Variants in SLC10A7 observed in about 807,000 individuals in gnomAD.
SLC10A7 encodes solute carrier family 10 member 7.
A neutral mutation model predicts 43.2 loss-of-function variants in SLC10A7; 29 were observed. The observed-to-expected ratio is 0.67, with a 90% confidence interval of 0.50 to 0.92. SLC10A7 has a LOEUF of 0.92. SLC10A7 is among the 40% of genes least tolerant of loss of function. SLC10A7 has a pLI of 0.00. For synonymous variants in SLC10A7, 152 were observed against 144.8 expected, an observed-to-expected ratio of 1.05 and a Z score of -0.35; for missense variants, 295 against 403.2, an observed-to-expected ratio of 0.73 and a Z score of 2.30.
intron 5 of SLC10A7, among the ~76,000 whole-genome samples, chr4:146,407,708 T>C (rs553003662): frequency 1.3e-5 from 2 of 152,330 alleles, no homozygotes; most frequent in Admixed American, 1.3e-4. Flanking sequence ...CACCCTCTTA[T>C]ATGTTAACAG....
intron 4 of SLC10A7, among the ~76,000 whole-genome samples, chr4:146,493,708 T>A (rs1735653234): frequency 6.6e-6 from 1 of 152,250 alleles, no homozygotes; most frequent in African/African-American, 2.4e-5. Flanking sequence ...CCATGCCCTT[T>A]AATTCCCAAA....
At chr4:146,401,849 T>G (rs2630306) in intron 5 of SLC10A7, among the ~76,000 whole-genome samples, 1 of 152,172 alleles carries the variant, frequency 6.6e-6, no homozygotes, top group African/African-American at 2.4e-5. Flanking sequence ...GAATCAGTAT[T>G]TTTTGTTCAG....
intron 6 of SLC10A7, among the ~76,000 whole-genome samples, chr4:146,323,318 T>A (rs966785332): frequency 6.6e-6 from 1 of 152,224 alleles, no homozygotes; most frequent in Non-Finnish European, 1.5e-5. Flanking sequence ...TTCTGAATGG[T>A]ACTGCCTAGG....
At chr4:146,449,258 T>C (rs1731365931) in intron 4 of SLC10A7, among the ~76,000 whole-genome samples, 1 of 152,134 alleles carries the variant, frequency 6.6e-6, no homozygotes, top group Non-Finnish European at 1.5e-5. Context: ...GGTGAGGGGC[T>C]GCCTAGAACA....
At chr4:146,508,581 C>T (rs1000521996) in intron 3 of SLC10A7, among the ~76,000 whole-genome samples, 4 of 152,154 alleles carry the variant, frequency 2.6e-5, no homozygotes, top group Non-Finnish European at 5.9e-5. Context: ...GTGGTTCATA[C>T]CTAAAACCCA....
chr4:146,434,341 C>T (rs925658330), intron 5 of SLC10A7, among the ~76,000 whole-genome samples: 11 of 152,066 alleles, frequency 7.2e-5, no homozygotes, highest in African/African-American at 2.7e-4. Flanking sequence ...ACATTGTCCC[C>T]ACAAAGTAAA....
At chr4:146,284,270 G>C (rs1729738722) in intron 9 of SLC10A7, among the ~76,000 whole-genome samples, 1 of 152,090 alleles carries the variant, frequency 6.6e-6, no homozygotes, top group African/African-American at 2.4e-5. Flanking sequence ...CATCTATACA[G>C]TTGCAGATAT....
intron 5 of SLC10A7, among the ~76,000 whole-genome samples, chr4:146,357,333 G>A (rs1735730474): frequency 6.6e-6 from 1 of 152,234 alleles, no homozygotes; most frequent in South Asian, 2.1e-4. Flanking sequence ...GAATGTGTGT[G>A]TATATATGTG....
At chr4:146,358,830 A>C (rs1481809779) in intron 5 of SLC10A7, among the ~76,000 whole-genome samples, 3 of 152,170 alleles carry the variant, frequency 2.0e-5, no homozygotes, top group Non-Finnish European at 4.4e-5. Context: ...AGTTGCTAAA[A>C]ACATTCCTGA....
chr4:146,518,696 GA>G (rs1220641421), intron 1 of SLC10A7, among the ~76,000 whole-genome samples: 1 of 152,018 alleles, frequency 6.6e-6, no homozygotes. Context: ...ATTCTTAAAA[GA>G]TGGAAATTTG....
At chr4:146,279,153 G>A (rs1372464787) in intron 10 of SLC10A7, among the ~76,000 whole-genome samples, 1 of 152,114 alleles carries the variant, frequency 6.6e-6, no homozygotes, top group Non-Finnish European at 1.5e-5. Context: ...GCCATTGACT[G>A]CTAATAGTCA....
At chr4:146,315,384 A>C (rs1732255365) in intron 6 of SLC10A7, among the ~76,000 whole-genome samples, 1 of 152,164 alleles carries the variant, frequency 6.6e-6, no homozygotes, top group African/African-American at 2.4e-5. Flanking sequence ...ATTAGTGATA[A>C]ACCACATCAA....
rs544234837 is a variant in SLC10A7, at chr4:146,288,347, C to T, written c.773+4582G>A. On this transcript the variant is annotated intron_variant, in intron 9 of 11. Transcript: ENST00000335472. The stretch of plus-strand genomic sequence containing the variant: ...GCATTATTGAGCATTTTTCTAAGCA[C>T]GTTGCAGCCAGTATTACTTCCTTCT... Among the ~76,000 whole-genome samples the T allele has an allele frequency of 2.6e-5, 4 of 152,248 alleles. No homozygotes were observed. In the South Asian group the frequency reaches 6.2e-4, roughly 24 times the overall value.
chr4:146,376,446 C>A (rs1737206071), intron 5 of SLC10A7, among the ~76,000 whole-genome samples: 1 of 152,054 alleles, frequency 6.6e-6, no homozygotes. Context: ...CCACCACACC[C>A]CCCATCCTAT....
At chr4:146,326,521 C>T (rs1733114889) in intron 5 of SLC10A7, among the ~76,000 whole-genome samples, 1 of 152,174 alleles carries the variant, frequency 6.6e-6, no homozygotes, top group South Asian at 2.1e-4. Flanking sequence ...CTTCATGTCT[C>T]CATGGTGGAA....
intron 4 of SLC10A7, among the ~76,000 whole-genome samples, chr4:146,468,918 T>C (rs949079879): frequency 6.6e-5 from 10 of 152,090 alleles, no homozygotes; most frequent in Admixed American, 2.0e-4. Flanking sequence ...TTTTAAACCA[T>C]TGTTGGGGGT....
At chr4:146,334,721 A>T (rs1473346640) in intron 5 of SLC10A7, among the ~76,000 whole-genome samples, 1 of 151,988 alleles carries the variant, frequency 6.6e-6, no homozygotes, top group East Asian at 1.9e-4. Context: ...AACTTGTAGA[A>T]CAGCAGAGGG....
chr4:146,439,662 A>G (rs960079398), intron 5 of SLC10A7, among the ~76,000 whole-genome samples: 19 of 152,084 alleles, frequency 1.2e-4, no homozygotes, highest in African/African-American at 4.6e-4. Context: ...TCATATACAC[A>G]TTTTATATAG....
chr4:146,259,753 A>G (rs975833326), intron 10 of SLC10A7, among the ~76,000 whole-genome samples: 2 of 152,376 alleles, frequency 1.3e-5, no homozygotes, highest in African/African-American at 4.8e-5. Flanking sequence ...TTGAGCTTCT[A>G]TAACTAACAC....
Sources: gnomAD v4.1 joint callset for allele counts (sites outside exome capture counted in the v4.1 genomes callset) on GRCh38, gnomAD v4.1.1 for gene constraint, MANE v1.5 for transcripts, NCBI Gene and HGNC (gene_info 2026-07-23, HGNC 2026-07-21) for gene names.